The following KRT23 variants were observed in gnomAD, a reference collection of about 807,000 sequenced individuals.
KRT23 encodes the protein keratin 23, also known as keratin, type I cytoskeletal 23.
In KRT23, 38 loss-of-function variants were observed where a neutral mutation model predicts 47.6. The ratio of observed to expected loss-of-function variants is 0.80; its 90% CI spans 0.62 to 1.05. The LOEUF is 1.05. Among genes scored for constraint, KRT23 ranks in the 50% least tolerant of loss-of-function variants. The probability of loss-of-function intolerance (pLI) is 0.00; values close to 1 mark genes in which losing one functional copy is unlikely to be tolerated. For synonymous variants in KRT23, 191 were observed against 199.0 expected (o/e 0.96, Z 0.34); for missense variants, 503 against 529.5 (o/e 0.95, Z 0.49).
intron 4 of KRT23, 166 bp from the exon 5 acceptor site, chr17:40,928,773 A>G (rs1909414429): frequency 1.7e-6 from 1 of 593,792 alleles, no homozygotes; most frequent in East Asian, 2.8e-5. Context: ...TTGGTGATAA[A>G]ACATTGTATA....
intron 2 of KRT23, among the ~76,000 whole-genome samples, chr17:40,934,012 T>C (rs1313994719): frequency 6.6e-6 from 1 of 152,224 alleles, no homozygotes; most frequent in East Asian, 1.9e-4. Context: ...TCATTCAAGG[T>C]GTTTTATTTA....
chr17:40,923,809 T>C (rs1057118243), intron 8 of KRT23, among the ~76,000 whole-genome samples: 4 of 152,214 alleles, frequency 2.6e-5, no homozygotes, highest in Non-Finnish European at 5.9e-5. Flanking sequence ...TGCCTTAGAA[T>C]AGGTTTATCA....
chr17:40,924,470 A>C lies in KRT23; in HGVS notation c.1174+2T>G. 6.2e-7 allele frequency: 1 copy of C among 1,612,264 alleles called. No homozygotes were observed. Among genetic ancestry groups the C allele is most frequent in the Non-Finnish European group, 8.5e-7 (1 of 1,178,452 alleles). On this transcript the variant is annotated splice_donor_variant, in intron 8 of 8. Coordinates refer to ENST00000209718, the MANE Select transcript of KRT23 (RefSeq NM_015515.5). LOFTEE classifies it high-confidence loss of function. Reference sequence around the variant, plus strand: ...ATTCAAACAATGAAGGAAATTTTTTACCTTTCATGCTCGACTTTGATTCTT... The same window carrying C: ...ATTCAAACAATGAAGGAAATTTTTTCCCTTTCATGCTCGACTTTGATTCTT...
chr17:40,930,493 C>T (rs564109092), intron 3 of KRT23, among the ~76,000 whole-genome samples: 20 of 152,100 alleles, frequency 1.3e-4, no homozygotes, highest in Non-Finnish European at 2.5e-4. Flanking sequence ...AGGCCGGGCA[C>T]GGTGGCTCAC....
At chr17:40,927,209 G>T (rs916067797) in intron 6 of KRT23, among the ~76,000 whole-genome samples, 3 of 151,998 alleles carry the variant, frequency 2.0e-5, no homozygotes, top group African/African-American at 7.2e-5. Context: ...TTGATGATTT[G>T]CACATTTATT....
Position 40,936,623 on chromosome 17 carries a change from A to T in KRT23, c.-20T>A. On this transcript the variant is annotated 5_prime_UTR_variant, in exon 2 of 9. Coordinates refer to ENST00000209718, the MANE Select transcript of KRT23 (RefSeq NM_015515.5). ...GTTCATGGTCCCATCTGTGTTTGGG[A>T]CGGGGCTGAGCTCTGCTCCACTCCC... 5 of 1,507,442 alleles carry T rather than the reference A, an allele frequency of 3.3e-6. No individual in the cohort carries two copies. Among genetic ancestry groups the T allele is most frequent in the Non-Finnish European group, 4.4e-6 (5 of 1,130,554 alleles). The allele number at this position is 1,507,442 out of a possible 1,614,324, so 93.4% of individuals were successfully genotyped here. A position where few individuals can be genotyped will look rare whatever the true frequency, so the allele number is the denominator to read the frequency against.
rs1909348823 is a variant in KRT23 at position 40,928,164 on chromosome 17, C to T, written c.921+74G>A. Reference sequence around the variant, plus strand: ...GTCCCAAGGGAGTTGAGGGTCAGGGCCTGGGAGAGAGGTCTCAGAAGGCTT... The same window carrying T: ...GTCCCAAGGGAGTTGAGGGTCAGGGTCTGGGAGAGAGGTCTCAGAAGGCTT... On this transcript the variant is annotated intron_variant, in intron 6 of 8. Coordinates refer to ENST00000209718, the MANE Select transcript of KRT23 (RefSeq NM_015515.5). 1.1e-5 allele frequency: 17 copies of T among 1,592,174 alleles called. No homozygotes were observed. In the South Asian group the frequency reaches 1.4e-4, roughly 14 times the overall value.
intron 2 of KRT23, among the ~76,000 whole-genome samples, chr17:40,935,010 TCC>T (rs1415592816): frequency 1.3e-5 from 2 of 152,108 alleles, no homozygotes; most frequent in African/African-American, 4.8e-5. Flanking sequence ...AGTCATGGTC[TCC>T]CTTTGCTCTC....
At chr17:40,927,289 T>G (rs1213300485) in intron 6 of KRT23, among the ~76,000 whole-genome samples, 1 of 152,236 alleles carries the variant, frequency 6.6e-6, no homozygotes, top group Non-Finnish European at 1.5e-5. Context: ...TGGTGTCAGA[T>G]AGTAGAATGC....
rs762818790 is a variant in KRT23, at chr17:40,928,609, T to C, written c.637-2A>G. ...TGGCACATGATGCTTCTCCATTTCC[T>C]ATTTAATAACAGAGAAAGGAAATGA... On this transcript the variant is annotated splice_acceptor_variant, in intron 4 of 8. Transcript: ENST00000209718. LOFTEE classifies it high-confidence loss of function. 16 of 1,610,002 alleles carry C rather than the reference T, an allele frequency of 9.9e-6. No individual in the cohort carries two copies. Among genetic ancestry groups the C allele is most frequent in the Non-Finnish European group, 1.4e-5 (16 of 1,179,112 alleles).
Position 40,937,426 on chromosome 17 carries a change from C to T in KRT23, c.-431G>A, listed in dbSNP as rs1273275704. ...GCCTGCGCTCAGGATTTCCCTTGGCCCTGGGGGAGGAATGTAGCCGTTGTT... is the reference window on the plus strand; with the variant it reads ...GCCTGCGCTCAGGATTTCCCTTGGCTCTGGGGGAGGAATGTAGCCGTTGTT... On this transcript the variant is annotated 5_prime_UTR_variant, in exon 1 of 9. Transcript: ENST00000209718. The T allele has an allele frequency of 6.6e-6, 1 of 152,286 alleles. No individual in the cohort carries two copies. The highest frequency in any genetic ancestry group is 1.5e-5 in the Non-Finnish European group (1 of 68,128). 9.4% of individuals were successfully genotyped at this position (152,286 alleles called of 1,614,324 possible). A position where few individuals can be genotyped will look rare whatever the true frequency, so the allele number is the denominator to read the frequency against.
intron 2 of KRT23, among the ~76,000 whole-genome samples, chr17:40,934,423 AC>A (rs1307666039): frequency 6.6e-6 from 1 of 152,104 alleles, no homozygotes. Context: ...TGCTCCCCAC[AC>A]CCCCCATTGC....
intron 2 of KRT23, among the ~76,000 whole-genome samples, chr17:40,933,531 G>T (rs1247422645): frequency 1.3e-5 from 2 of 152,178 alleles, no homozygotes; most frequent in East Asian, 3.8e-4. Flanking sequence ...TCTACATCCA[G>T]AGAATCAGAA....
chr17:40,933,011 T>C (rs2143508267), intron 2 of KRT23, among the ~76,000 whole-genome samples: 1 of 152,362 alleles, frequency 6.6e-6, no homozygotes, highest in South Asian at 2.1e-4. Context: ...GAAGAGAGTA[T>C]GTCAAATAAT....
Position 40,928,266 on chromosome 17 carries a change from T to G in KRT23, c.893A>C (p.Glu298Ala). 2 of 1,614,136 alleles carry G rather than the reference T, an allele frequency of 1.2e-6. No homozygotes were observed. Among genetic ancestry groups the G allele is most frequent in the Non-Finnish European group, 1.7e-6 (2 of 1,180,010 alleles). Reference protein sequence around the residue: ...HELKRTFQALEIDLQTQYSTK... With the variant: ...HELKRTFQALAIDLQTQYSTK... Reference sequence around the variant, plus strand: ...GCTGTACTGTGTCTGCAGGTCAATCTCCAGGGCCTGGAATGTGCGCTTCAG... The same window carrying G: ...GCTGTACTGTGTCTGCAGGTCAATCGCCAGGGCCTGGAATGTGCGCTTCAG... The change falls in exon 6 of 9, where the codon GAG becomes GCG. Residue 298 changes from glutamate (E) to alanine (A), a missense_variant. Glu to Ala is a moderately radical substitution (Grantham distance 107). Transcript: ENST00000209718.
Position 40,931,446 on chromosome 17 carries a change from C to T in KRT23, c.406G>A (p.Gly136Ser), listed in dbSNP as rs748227287. 11 of 1,613,082 alleles carry T rather than the reference C, an allele frequency of 6.8e-6. No homozygotes were observed. The highest frequency in any genetic ancestry group is 8.5e-6 in the Non-Finnish European group (10 of 1,179,138). Residue 136 changes from glycine to serine, a missense_variant, in exon 3 of 9, where the codon GGT (glycine) becomes AGT (serine). By Grantham distance (56) the Gly-to-Ser change is moderately conservative (BLOSUM62 0). Transcript: ENST00000209718. ...ITHLQEQIVD[G>S]KMTNAQIILL... ...ATAATCTGAGCATTGGTCATCTTAC[C>T]ATCCACTATCTGTAAAACATGCACA...
At position 40,925,347 on chromosome 17, in the gene KRT23, G is replaced by A. The variant is rs759459273; in HGVS notation, c.1142+7C>T. On this transcript the variant is annotated splice_region_variant and intron_variant, in intron 7 of 8. Coordinates refer to ENST00000209718, the MANE Select transcript of KRT23 (RefSeq NM_015515.5). ...GCATGCTCCTCTCGTGCCAGCCTTT[G>A]CCTTACCCTTCACTCTCTCCCTCCA... The A allele has an allele frequency of 8.1e-6, 13 of 1,611,870 alleles. No homozygotes were observed. Among genetic ancestry groups the A allele is most frequent in the Non-Finnish European group, 1.1e-5 (13 of 1,179,260 alleles).
rs1056782570 is a variant in KRT23 at position 40,922,814 on chromosome 17, C to T, written c.*175G>A. ...AACTCGCACTTTGATTAGAAAAGTG[C>T]AATATATTAAGAGCATTATGAGAAG... is the stretch of plus-strand genomic sequence containing the variant. On this transcript the variant is annotated 3_prime_UTR_variant, in exon 9 of 9. Coordinates refer to ENST00000209718, the MANE Select transcript of KRT23 (RefSeq NM_015515.5). 3.8e-6 allele frequency: 2 copies of T among 533,180 alleles called. No homozygotes were observed. Among genetic ancestry groups the T allele is most frequent in the Non-Finnish European group, 6.6e-6 (2 of 301,476 alleles). 33.0% of individuals were successfully genotyped at this position (533,180 alleles called of 1,614,324 possible). A position where few individuals can be genotyped will look rare whatever the true frequency, so the allele number is the denominator to read the frequency against.
intron 7 of KRT23, 27 bp downstream of exon 7, chr17:40,925,327 C>T (rs559107046): frequency 1.0e-5 from 16 of 1,595,858 alleles, no homozygotes; most frequent in Non-Finnish European, 1.4e-5. Flanking sequence ...CCCTCGCATG[C>T]TCCTCTCGTG....
Sources: allele counts gnomAD v4.1 joint callset (sites outside exome capture counted in the v4.1 genomes callset), GRCh38; gene constraint gnomAD v4.1.1; transcripts MANE v1.5; gene names NCBI Gene and HGNC (gene_info 2026-07-23, HGNC 2026-07-21).